The following TRAK1 variants were observed in gnomAD, a reference collection of about 807,000 sequenced individuals.
TRAK1 encodes trafficking kinesin protein 1, also known as trafficking kinesin-binding protein 1.
In TRAK1, 33 loss-of-function variants were observed where a neutral mutation model predicts 92.1. That is an observed-to-expected ratio of 0.36 (90% CI 0.27 to 0.48). The LOEUF (loss-of-function observed/expected upper bound fraction) is 0.48, where lower values mean the gene tolerates loss of function less well. Among genes scored for constraint, TRAK1 ranks in the 20% least tolerant of loss-of-function variants. The pLI, the probability that TRAK1 is intolerant of heterozygous loss-of-function variation, is 0.99. For synonymous variants in TRAK1, 521 were observed against 517.3 expected (o/e 1.01, Z -0.10); for missense variants, 1,123 against 1,257.9 (o/e 0.89, Z 1.62).
At chr3:42,153,633 T>C (rs1456219717) in intron 2 of TRAK1, among the ~76,000 whole-genome samples, 1 of 152,202 alleles carries the variant, frequency 6.6e-6, no homozygotes, top group Admixed American at 6.5e-5. Flanking sequence ...CTTCTTACTC[T>C]ATAATGAAGA....
intron 1 of TRAK1, among the ~76,000 whole-genome samples, chr3:42,080,653 G>T (rs1704386486): frequency 6.6e-6 from 1 of 152,174 alleles, no homozygotes. Context: ...TGAAACCTCA[G>T]AAATGCCTGT....
intron 1 of TRAK1, among the ~76,000 whole-genome samples, chr3:42,095,208 A>C (rs1223757964): frequency 3.3e-5 from 5 of 152,156 alleles, no homozygotes; most frequent in Non-Finnish European, 7.4e-5. Flanking sequence ...CAGGTTTCCA[A>C]GTGTGGCTCC....
chr3:42,167,330 C>T (rs556604098), intron 2 of TRAK1, among the ~76,000 whole-genome samples: 1 of 152,268 alleles, frequency 6.6e-6, no homozygotes, highest in African/African-American at 2.4e-5. Flanking sequence ...GACTCAGCTG[C>T]CTTCATGTGA....
intron 1 of TRAK1, among the ~76,000 whole-genome samples, chr3:42,111,442 C>G (rs1158016960): frequency 1.3e-5 from 2 of 150,970 alleles, no homozygotes; most frequent in African/African-American, 4.9e-5. Flanking sequence ...GTCGCCCAGG[C>G]TGGAGTGCGG....
chr3:42,207,264 C>A (rs1708440951), intron 13 of TRAK1, among the ~76,000 whole-genome samples: 1 of 152,174 alleles, frequency 6.6e-6, no homozygotes, highest in South Asian at 2.1e-4. Context: ...AGCCAGTGAG[C>A]ATTTGTACTG....
At chr3:42,109,788 T>C (rs150089543) in intron 1 of TRAK1, among the ~76,000 whole-genome samples, 9,975 of 152,076 alleles carry the variant, frequency 0.066, 405 homozygotes, top group Non-Finnish European at 0.092. Context: ...AAGGATGAGT[T>C]CATGTCCTTT....
chr3:42,112,600 TCA>T, intron 1 of TRAK1, among the ~76,000 whole-genome samples: 1 of 149,384 alleles, frequency 6.7e-6, no homozygotes, highest in Non-Finnish European at 1.5e-5. Flanking sequence ...CCGGGCTTGT[TCA>T]CACGTACCTG....
chr3:42,059,818 C>G (rs1357534224), intron 1 of TRAK1, among the ~76,000 whole-genome samples: 1 of 152,180 alleles, frequency 6.6e-6, no homozygotes, highest in Non-Finnish European at 1.5e-5. Context: ...TGTGGTACTT[C>G]AGTTTCTTCC....
chr3:42,209,710 C>T (rs1176053332), intron 13 of TRAK1, 57 bp from the exon 14 acceptor site: 1 of 1,542,146 alleles, frequency 6.5e-7, no homozygotes, highest in Non-Finnish European at 8.9e-7. Context: ...TCTTGGACTT[C>T]CATCCTAACC....
chr3:42,121,435 A>G (rs904860949), intron 1 of TRAK1, among the ~76,000 whole-genome samples: 6 of 151,362 alleles, frequency 4.0e-5, no homozygotes, highest in Admixed American at 3.9e-4. Flanking sequence ...AATTTTTTGT[A>G]TTTTTAGTAG....
intron 1 of TRAK1, among the ~76,000 whole-genome samples, chr3:42,040,367 G>T (rs1007643570): frequency 2.6e-5 from 4 of 152,092 alleles, no homozygotes; most frequent in Non-Finnish European, 4.4e-5. Flanking sequence ...CCCAGAGTTG[G>T]TCTATTACTC....
At chr3:42,197,355 C>G (rs1001002789) in intron 10 of TRAK1, among the ~76,000 whole-genome samples, 51 of 152,292 alleles carry the variant, frequency 3.3e-4, no homozygotes, top group Admixed American at 9.1e-4. Context: ...ACAAAAAGAT[C>G]ATCTCTAGAT....
intron 1 of TRAK1, among the ~76,000 whole-genome samples, chr3:42,066,407 T>C (rs759846627): frequency 3.5e-4 from 53 of 152,186 alleles, no homozygotes; most frequent in Middle Eastern, 3.4e-3. Context: ...ATTCACTTGC[T>C]CTGAAATGGG....
chr3:42,132,302 C>T (rs1439847506), intron 2 of TRAK1, among the ~76,000 whole-genome samples: 4 of 150,240 alleles, frequency 2.7e-5, no homozygotes, highest in South Asian at 2.1e-4. Flanking sequence ...TCCTGTCACC[C>T]GGGATGGAGT....
chr3:42,160,032 T>G, intron 2 of TRAK1: 30 of 414,664 alleles, frequency 7.2e-5, no homozygotes, highest in South Asian at 1.6e-4. Context: ...GAGAGCTTGC[T>G]GAGATCCTGT....
chr3:42,220,636 A>C (rs1710257826), intron 15 of TRAK1: 1 of 982,500 alleles, frequency 1.0e-6, no homozygotes, highest in Non-Finnish European at 1.2e-6. Context: ...GGCCCTGTGG[A>C]AGGAGCTGTG....
At chr3:42,082,639 C>T (rs1044616475), upstream of TRAK1, among the ~76,000 whole-genome samples, 23 of 151,200 alleles carry the variant, frequency 1.5e-4, no homozygotes, top group East Asian at 7.8e-4. Context: ...GAAATCTTTA[C>T]ATATTAGAGC....
upstream of TRAK1, chr3:42,087,034 C>T (rs906671918): frequency 3.3e-5 from 5 of 152,248 alleles, no homozygotes; most frequent in African/African-American, 4.8e-5. Context: ...CCGGGGCCCT[C>T]ATTTTCTAAA....
chr3:42,094,915 TC>T (rs1346243399), intron 1 of TRAK1, among the ~76,000 whole-genome samples: 1 of 152,172 alleles, frequency 6.6e-6, no homozygotes, highest in East Asian at 1.9e-4. Context: ...GAACTGGTGT[TC>T]CAGTCCTGAA....
Sources: gnomAD v4.1 joint callset for allele counts (sites outside exome capture counted in the v4.1 genomes callset) on GRCh38, gnomAD v4.1.1 for gene constraint, MANE v1.5 for transcripts, NCBI Gene and HGNC (gene_info 2026-07-23, HGNC 2026-07-21) for gene names.